The following DEPTOR variants were observed in gnomAD, a reference collection of about 807,000 sequenced individuals.
The protein encoded by DEPTOR is DEP domain-containing mTOR-interacting protein.
Under a neutral mutation model 41.6 loss-of-function variants are expected in DEPTOR, and 41 were observed. The ratio of observed to expected loss-of-function variants is 0.98; its 90% confidence interval spans 0.77 to 1.28. DEPTOR has a LOEUF of 1.28. Among genes scored for constraint, DEPTOR ranks in the 50% most tolerant of loss-of-function variants. DEPTOR has a pLI of 0.00. For missense variants in DEPTOR, 514 were observed against 527.9 expected (o/e 0.97, Z 0.26); for synonymous variants, 195 against 192.3 (o/e 1.01, Z -0.12).
At chr8:119,921,126 GC>G (rs1252523779) in intron 1 of DEPTOR, among the ~76,000 whole-genome samples, 1 of 152,086 alleles carries the variant, frequency 6.6e-6, no homozygotes, top group Non-Finnish European at 1.5e-5. Flanking sequence ...AAAGGCATGT[GC>G]CACCACACCC....
chr8:119,917,877 A>G (rs1827834907), intron 1 of DEPTOR, among the ~76,000 whole-genome samples: 1 of 152,244 alleles, frequency 6.6e-6, no homozygotes, highest in Non-Finnish European at 1.5e-5. Context: ...AAACCGCCTT[A>G]GGGCGGAGGT....
intron 8 of DEPTOR, among the ~76,000 whole-genome samples, chr8:120,046,777 G>A (rs1219632189): frequency 6.6e-6 from 1 of 152,064 alleles, no homozygotes; most frequent in African/African-American, 2.4e-5. Flanking sequence ...GGGTCCTTCA[G>A]TTCTTGAAGC....
intron 1 of DEPTOR, among the ~76,000 whole-genome samples, chr8:119,911,090 G>A (rs1335136206): frequency 6.6e-6 from 1 of 152,072 alleles, no homozygotes; most frequent in Admixed American, 6.6e-5. Context: ...TAGTGAACAG[G>A]AGCACCTTCA....
intron 4 of DEPTOR, among the ~76,000 whole-genome samples, chr8:119,999,253 CAA>C (rs1017539905): frequency 1.4e-5 from 2 of 140,974 alleles, no homozygotes; most frequent in African/African-American, 2.6e-5. Flanking sequence ...GCCTGGAAAA[CAA>C]GAGTGAAATT....
chr8:119,986,714 C>A (rs886827829), intron 4 of DEPTOR, among the ~76,000 whole-genome samples: 1 of 151,882 alleles, frequency 6.6e-6, no homozygotes, highest in Admixed American at 6.6e-5. Flanking sequence ...TTCTTGGAGG[C>A]TATGTTTGTT....
At chr8:119,921,164 A>G (rs1202747067) in intron 1 of DEPTOR, among the ~76,000 whole-genome samples, 2 of 152,028 alleles carry the variant, frequency 1.3e-5, no homozygotes, top group African/African-American at 2.4e-5. Context: ...TTTAGTAGAG[A>G]TGGGGTTTCA....
At chr8:119,895,027 T>C (rs955823456) in intron 1 of DEPTOR, among the ~76,000 whole-genome samples, 17 of 152,178 alleles carry the variant, frequency 1.1e-4, no homozygotes, top group African/African-American at 3.6e-4. Flanking sequence ...TGAGGTATAT[T>C]TTTCTCACAG....
chr8:120,007,001 T>G, intron 7 of DEPTOR, 126 bp downstream of exon 7: 1 of 902,160 alleles, frequency 1.1e-6, no homozygotes, highest in Non-Finnish European at 1.7e-6. Context: ...GTTTTTAGCG[T>G]AATTATGATA....
intron 3 of DEPTOR, among the ~76,000 whole-genome samples, chr8:119,933,902 AAG>A (rs1828076902): frequency 6.6e-6 from 1 of 151,848 alleles, no homozygotes; most frequent in Non-Finnish European, 1.5e-5. Flanking sequence ...TTTTATTTAT[AAG>A]AGTCTCACTC....
chr8:119,941,023 A>T (rs568508881), intron 3 of DEPTOR, among the ~76,000 whole-genome samples: 1 of 152,164 alleles, frequency 6.6e-6, no homozygotes, highest in Non-Finnish European at 1.5e-5. Context: ...GTGGAGAGGG[A>T]TGGTGCTGAT....
At chr8:120,041,333 T>G (rs1813066061) in intron 8 of DEPTOR, among the ~76,000 whole-genome samples, 1 of 152,194 alleles carries the variant, frequency 6.6e-6, no homozygotes, top group Non-Finnish European at 1.5e-5. Context: ...GCACTCAGTC[T>G]ATCCAGAGGA....
chr8:120,014,337 G>A (rs1287649741), intron 8 of DEPTOR, among the ~76,000 whole-genome samples: 9 of 152,080 alleles, frequency 5.9e-5, no homozygotes, highest in Non-Finnish European at 1.2e-4. Flanking sequence ...AGGAGCAAAC[G>A]AGAGAAGGAA....
intron 1 of DEPTOR, among the ~76,000 whole-genome samples, chr8:119,919,382 C>T (rs778895673): frequency 2.0e-5 from 3 of 151,984 alleles, no homozygotes; most frequent in African/African-American, 4.8e-5. Flanking sequence ...GTTAACCCAG[C>T]TTTAATAATT....
At chr8:120,035,783 C>T (rs1173774363) in intron 8 of DEPTOR, among the ~76,000 whole-genome samples, 4 of 152,180 alleles carry the variant, frequency 2.6e-5, no homozygotes, top group South Asian at 2.1e-4. Flanking sequence ...CCACCTGCCT[C>T]GGCCTCCCAA....
intron 1 of DEPTOR, among the ~76,000 whole-genome samples, chr8:119,877,605 G>C (rs1297121820): frequency 6.6e-6 from 1 of 152,174 alleles, no homozygotes; most frequent in East Asian, 1.9e-4. Flanking sequence ...ATGAGGTAGA[G>C]GTGATAAGAG....
At chr8:119,904,965 C>CTTT (rs71304920) in intron 1 of DEPTOR, among the ~76,000 whole-genome samples, 6,145 of 85,952 alleles carry the variant, frequency 0.071, 281 homozygotes, top group South Asian at 0.15. Context: ...CTAATTTTTG[C>CTTT]TTTTTTTTTT....
chr8:119,887,165 C>CTCCCT (rs1311564154), intron 1 of DEPTOR, among the ~76,000 whole-genome samples: 6 of 99,548 alleles, frequency 6.0e-5, no homozygotes, highest in Admixed American at 1.1e-4. Flanking sequence ...CTCCCCTCCC[C>CTCCCT]TCCCTTCCCT....
At chr8:120,003,624 C>T (rs918699855) in intron 6 of DEPTOR, among the ~76,000 whole-genome samples, 5 of 142,378 alleles carry the variant, frequency 3.5e-5, no homozygotes, top group African/African-American at 1.5e-4. Context: ...GCAGCCGATG[C>T]ATAAGATCTG....
chr8:119,995,579 C>CCT (rs1812247973), intron 4 of DEPTOR, among the ~76,000 whole-genome samples: 1 of 150,390 alleles, frequency 6.6e-6, no homozygotes, highest in Non-Finnish European at 1.5e-5. Context: ...GAGCAAGGCT[C>CCT]CTCTGTCTCA....
Sources: allele counts gnomAD v4.1 joint callset (sites outside exome capture counted in the v4.1 genomes callset), GRCh38; gene constraint gnomAD v4.1.1; transcripts MANE v1.5; gene names NCBI Gene and HGNC (gene_info 2026-07-23, HGNC 2026-07-21).